Variants in SBF1 observed in about 807,000 individuals in gnomAD.
SBF1 encodes the protein myotubularin-related protein 5.
A neutral mutation model predicts 215.8 loss-of-function variants in SBF1; 65 were observed. The ratio of observed to expected loss-of-function variants is 0.30; its 90% CI spans 0.25 to 0.37. The LOEUF is 0.37. Ranked by LOEUF, SBF1 falls within the 10% of genes least tolerant of loss-of-function variation. The pLI is 1.00. For synonymous variants in SBF1, 1,410 were observed against 1,122.8 expected (o/e 1.26, Z -5.11); for missense variants, 2,634 against 2,667.8 (o/e 0.99, Z 0.28).
intron 28 of SBF1, among the ~76,000 whole-genome samples, chr22:50,458,561 A>G (rs2067358140): frequency 6.6e-6 from 1 of 152,160 alleles, no homozygotes; most frequent in Admixed American, 6.5e-5. Flanking sequence ...GGCGATTGTA[A>G]AATGTAAGTA....
intron 1 of SBF1, among the ~76,000 whole-genome samples, chr22:50,474,324 C>G (rs1323696174): frequency 6.6e-6 from 1 of 152,258 alleles, no homozygotes; most frequent in African/African-American, 2.4e-5. Flanking sequence ...GGGCTTCAGA[C>G]GGAGCACCAA....
rs534650473 is a variant in SBF1 at position 50,453,899 on chromosome 22, CCA to C, written c.5043+611_5043+612del. Reference sequence around the variant, plus strand: ...TCCACACTCCTCTGCCTGCTCAGTCCCACAGAGACTCCGGGATGGCCCCAAAA... The same window carrying C: ...TCCACACTCCTCTGCCTGCTCAGTCCCAGAGACTCCGGGATGGCCCCAAAA... On this transcript the variant is annotated intron_variant, in intron 36 of 40. Transcript: ENST00000380817. Among the ~76,000 whole-genome samples the C allele has an allele frequency of 4.5e-4, 69 of 152,300 alleles. No individual in the cohort carries two copies. The East Asian group carries it at 6.0e-3, about 13-fold the overall frequency.
In SBF1 at chr22:50,463,345, G is replaced by A. The variant is rs781568455; in HGVS notation, c.1837C>T (p.Arg613Cys). The part of the protein sequence containing the change: ...QELHLHVQQN[R>C]AVLDHQQFDF... ...AACTGCTGGTGGTCCAGGACCGCAC[G>A]GTTCTGCTGCACATGCAGGTGCAGC... The change falls in exon 16 of 41, where the codon CGT (arginine) becomes TGT (cysteine). Residue 613 changes from arginine to cysteine, a missense_variant. Coordinates refer to ENST00000380817, the MANE Select transcript of SBF1 (RefSeq NM_002972.4). 19 of 1,611,786 alleles carry A rather than the reference G, an allele frequency of 1.2e-5. No individual in the cohort carries two copies. Among genetic ancestry groups the A allele is most frequent in the African/African-American group, 4.0e-5 (3 of 74,914 alleles).
intron 29 of SBF1, 34 bp from the exon 30 acceptor site, chr22:50,456,707 G>A: frequency 1.4e-6 from 2 of 1,440,904 alleles, no homozygotes; most frequent in Non-Finnish European, 1.8e-6. Flanking sequence ...CACCCAAAGG[G>A]GGCCAGGGCA....
At chr22:50,458,601 A>C (rs1461382808) in intron 28 of SBF1, among the ~76,000 whole-genome samples, 1 of 152,188 alleles carries the variant, frequency 6.6e-6, no homozygotes, top group African/African-American at 2.4e-5. Flanking sequence ...AAACAAAACC[A>C]CTTCTGAACT....
chr22:50,448,142 A>AAGC, intron 38 of SBF1, 91 bp downstream of exon 38: 2 of 1,338,146 alleles, frequency 1.5e-6, no homozygotes, highest in Admixed American at 3.5e-5. Flanking sequence ...AGCTCCTCAA[A>AAGC]AGCACCCGCA....
Position 50,468,422 on chromosome 22 carries a change from G to T in SBF1, c.95C>A (p.Pro32Gln). Residue 32 changes from proline (P) to glutamine (Q), a missense_variant, in exon 2 of 41, where the codon CCA becomes CAA. By Grantham distance (76) the Pro-to-Gln change is moderately conservative. Transcript: ENST00000380817. ...TGGGTTGTCCTCCCAGTCCTTCTCT[G>T]GGAAGCGCTGCAGAATCTGGCCCTG... ...EGQGQILQRF[P>Q]EKDWEDNPFP... 1 of 1,612,482 alleles carries T rather than the reference G, an allele frequency of 6.2e-7. No individual in the cohort carries two copies.
chr22:50,456,629 C>G lies in SBF1; in HGVS notation c.3949G>C (p.Gly1317Arg). Residue 1317 changes from glycine (G) to arginine (R), a missense_variant, in exon 30 of 41, where the codon GGC (glycine) becomes CGC (arginine). Transcript: ENST00000380817. Reference protein sequence around the residue: ...VRTSGRSSGLGTDVGSRLAGR... With the variant: ...VRTSGRSSGLRTDVGSRLAGR... ...GCTAGCCGGGAGCCCACATCGGTGC[C>G]AAGGCCACTGCTGCGTCCACTGGTC... The G allele has an allele frequency of 2.6e-6, 4 of 1,513,940 alleles. No individual in the cohort carries two copies. Among genetic ancestry groups the G allele is most frequent in the Non-Finnish European group, 2.6e-6 (3 of 1,132,894 alleles). The allele number at this position is 1,513,940 out of a possible 1,614,324, so 93.8% of individuals were successfully genotyped here.
Position 50,474,945 on chromosome 22 carries a change from C to A in SBF1, c.-105G>T. ...GGCCCCGGCCCTGGACCGCGCACCC[C>A]GGACACCCCTGGTTCGCTCCGCGGC... is the stretch of plus-strand genomic sequence containing the variant. On this transcript the variant is annotated 5_prime_UTR_variant, in exon 1 of 41. Coordinates refer to ENST00000380817, the MANE Select transcript of SBF1 (RefSeq NM_002972.4). 1.3e-6 allele frequency: 1 copy of A among 789,598 alleles called. No homozygotes were observed. Among genetic ancestry groups the A allele is most frequent in the Non-Finnish European group, 1.7e-6 (1 of 595,286 alleles). The allele number at this position is 789,598 out of a possible 1,614,324, so 48.9% of individuals were successfully genotyped here.
At chr22:50,450,025 TGCTGA>T (rs2066986813) in intron 36 of SBF1, among the ~76,000 whole-genome samples, 1 of 152,142 alleles carries the variant, frequency 6.6e-6, no homozygotes, top group Non-Finnish European at 1.5e-5. Flanking sequence ...CACGGGAGCT[TGCTGA>T]GCCGAGGAGG....
At chr22:50,472,130 C>T (rs2068018386) in intron 1 of SBF1, among the ~76,000 whole-genome samples, 1 of 152,212 alleles carries the variant, frequency 6.6e-6, no homozygotes, top group African/African-American at 2.4e-5. Context: ...CCCTGACTCA[C>T]CAGGTGAGGG....
chr22:50,466,384 C>G lies in SBF1; in HGVS notation c.754G>C (p.Gly252Arg), dbSNP rs1198192071. The change falls in exon 7 of 41, where the codon GGC becomes CGC. Residue 252 changes from glycine (G) to arginine (R), a missense_variant. By Grantham distance (125) the Gly-to-Arg change is moderately radical. Coordinates refer to ENST00000380817, the MANE Select transcript of SBF1 (RefSeq NM_002972.4). ...SYQRLADACR[G>R]LLALLFPLRY... ...AGAGGAAACAGCAGTGCCAGGAGGC[C>G]CCTACAGGCATCGGCGAGCCGCTGG... 6.4e-7 allele frequency: 1 copy of G among 1,556,846 alleles called. No homozygotes were observed. Among genetic ancestry groups the G allele is most frequent in the Non-Finnish European group, 8.7e-7 (1 of 1,150,656 alleles).
intron 1 of SBF1, among the ~76,000 whole-genome samples, chr22:50,468,964 C>G (rs1047122796): frequency 1.3e-5 from 2 of 152,130 alleles, no homozygotes; most frequent in Admixed American, 6.6e-5. Flanking sequence ...AGAGGACACC[C>G]CCTGCGCCCA....
At chr22:50,447,927 C>T (rs1162898849) in intron 38 of SBF1, among the ~76,000 whole-genome samples, 5 of 152,220 alleles carry the variant, frequency 3.3e-5, no homozygotes, top group Admixed American at 6.5e-5. Context: ...GGCGCCCTTA[C>T]GAGGAGAGGG....
chr22:50,459,683 G>C lies in SBF1; in HGVS notation c.3492-17C>G. ...CCTGGGTAGCTGAGAGGAGGCAGAG[G>C]CGTGAAGGTGGCTGGCGACCCCACC... On this transcript the variant is annotated splice_polypyrimidine_tract_variant and intron_variant, in intron 26 of 40. Transcript: ENST00000380817. 1 of 1,587,044 alleles carries C rather than the reference G, an allele frequency of 6.3e-7. No individual in the cohort carries two copies. The highest frequency in any genetic ancestry group is 1.1e-5 in the South Asian group (1 of 88,400).
intron 29 of SBF1, 140 bp from the exon 30 acceptor site, chr22:50,456,813 A>G: frequency 1.3e-6 from 1 of 790,474 alleles, no homozygotes; most frequent in South Asian, 2.0e-5. Flanking sequence ...GCCGTGCGAG[A>G]GGAGGGCTGG....
chr22:50,456,987 C>T, intron 29 of SBF1, 47 bp downstream of exon 29: 1 of 1,370,016 alleles, frequency 7.3e-7, no homozygotes, highest in Non-Finnish European at 9.5e-7. Flanking sequence ...TAGAGGCCGC[C>T]AGCACCAAGT....
At position 50,474,593 on chromosome 22, in the gene SBF1, T is replaced by G. The variant is rs71311695; in HGVS notation, c.55+193A>C. ...CCGGCCCCGGCCCTCAGTCCTCGGC[T>G]CCCCCGACCCCGGCCCTCAGCGCCC... On this transcript the variant is annotated intron_variant, in intron 1 of 40. Coordinates refer to ENST00000380817, the MANE Select transcript of SBF1 (RefSeq NM_002972.4). Among the ~76,000 whole-genome samples the G allele has an allele frequency of 1.2e-4, 17 of 137,506 alleles. No individual in the cohort carries two copies. In the South Asian group the frequency reaches 2.8e-3, roughly 23 times the overall value. The allele number at this position is 137,506 out of a possible 152,430, so 90.2% of individuals were successfully genotyped here. A position where few individuals can be genotyped will look rare whatever the true frequency, so the allele number is the denominator to read the frequency against.
chr22:50,458,415 G>A (rs1278528707), intron 28 of SBF1, among the ~76,000 whole-genome samples: 2 of 151,996 alleles, frequency 1.3e-5, no homozygotes, highest in Non-Finnish European at 2.9e-5. Context: ...CGGGGAGGCA[G>A]CAGCCACTGG....
Sources: gnomAD v4.1 joint callset for allele counts (sites outside exome capture counted in the v4.1 genomes callset) on GRCh38, gnomAD v4.1.1 for gene constraint, MANE v1.5 for transcripts, NCBI Gene and HGNC (gene_info 2026-07-23, HGNC 2026-07-21) for gene names.